The following CTNNA2 variants were observed in gnomAD, a reference collection of about 807,000 sequenced individuals.
CTNNA2 encodes the protein catenin alpha-2.
Under a neutral mutation model 101.0 loss-of-function variants are expected in CTNNA2, and 42 were observed. The observed-to-expected ratio is 0.42, with a 90% CI of 0.32 to 0.54. CTNNA2 has a LOEUF of 0.54. CTNNA2 is among the 20% of genes least tolerant of loss of function. The pLI is 0.14. For missense variants in CTNNA2, 871 were observed against 1,223.1 expected (o/e 0.71, Z 4.29); for synonymous variants, 450 against 456.4 (o/e 0.99, Z 0.18).
intron 9 of CTNNA2, among the ~76,000 whole-genome samples, chr2:80,483,192 C>A (rs1416451129): frequency 1.3e-5 from 2 of 152,010 alleles, no homozygotes; most frequent in Non-Finnish European, 2.9e-5. Flanking sequence ...TTCCTACAGC[C>A]ATCCTAAAAT....
chr2:80,532,073 G>C (rs1328800102), intron 9 of CTNNA2, among the ~76,000 whole-genome samples: 1 of 152,124 alleles, frequency 6.6e-6, no homozygotes, highest in Non-Finnish European at 1.5e-5. Context: ...GAAACAGGTG[G>C]TCAGAGGAAG....
At chr2:79,801,992 C>CA (rs57124311) in intron 3 of CTNNA2, among the ~76,000 whole-genome samples, 9,067 of 63,378 alleles carry the variant, frequency 0.14, 522 homozygotes, top group Non-Finnish European at 0.17. Context: ...AACTCTGTCT[C>CA]AAAAAAAAAA....
chr2:79,466,828 A>G (rs1464760069), intron 4 of CTNNA2, among the ~76,000 whole-genome samples: 1 of 152,248 alleles, frequency 6.6e-6, no homozygotes. Flanking sequence ...TGACTATTAG[A>G]AGGAAAACTA....
intron 3 of CTNNA2, among the ~76,000 whole-genome samples, chr2:79,853,060 G>C (rs1467618340): frequency 6.6e-6 from 1 of 151,926 alleles, no homozygotes; most frequent in African/African-American, 2.4e-5. Context: ...TAGAGACACA[G>C]TTTCACCATG....
chr2:80,327,934 T>C (rs1044761283), intron 7 of CTNNA2, among the ~76,000 whole-genome samples: 9 of 151,846 alleles, frequency 5.9e-5, no homozygotes, highest in Admixed American at 4.6e-4. Context: ...TATGTATAAA[T>C]GTTTTTTTAT....
intron 7 of CTNNA2, among the ~76,000 whole-genome samples, chr2:79,982,201 T>A (rs1162402717): frequency 5.5e-5 from 1 of 18,314 alleles, no homozygotes; most frequent in South Asian, 1.3e-3. Flanking sequence ...ACTATATATA[T>A]ATATATATAT....
At chr2:79,747,060 C>T (rs1431805158) in intron 3 of CTNNA2, among the ~76,000 whole-genome samples, 1 of 152,188 alleles carries the variant, frequency 6.6e-6, no homozygotes, top group Non-Finnish European at 1.5e-5. Context: ...ACCCTCCTTC[C>T]ACACTAACAA....
intron 3 of CTNNA2, among the ~76,000 whole-genome samples, chr2:79,779,318 G>C (rs537155070): frequency 6.6e-6 from 1 of 152,128 alleles, no homozygotes; most frequent in Non-Finnish European, 1.5e-5. Context: ...TTTTGCAAGG[G>C]CTCATCCCCC....
At chr2:80,235,375 G>C (rs1240953591) in intron 7 of CTNNA2, among the ~76,000 whole-genome samples, 1 of 152,192 alleles carries the variant, frequency 6.6e-6, no homozygotes. Flanking sequence ...TATTCGGGCT[G>C]TTTCTGCTCT....
Position 79,585,826 on chromosome 2 carries a change from C to T in CTNNA2, c.-5-65726C>T, listed in dbSNP as rs76275990. 2.0e-4 allele frequency among the ~76,000 whole-genome samples: 30 copies of T among 151,974 alleles called. No homozygotes were observed. In the East Asian group the frequency reaches 5.3e-3, roughly 27 times the overall value. On this transcript the variant is annotated intron_variant, in intron 1 of 18. Transcript: ENST00000402739. ...AGGTCCCTTCAGTATCCATTTGCTG[C>T]CCGCTTTCCAAGAGTGCTAGCTCAT...
intron 2 of CTNNA2, among the ~76,000 whole-genome samples, chr2:79,304,358 C>A (rs1297931909): frequency 6.6e-6 from 1 of 152,152 alleles, no homozygotes; most frequent in Non-Finnish European, 1.5e-5. Flanking sequence ...GTATCCATCC[C>A]AGAACAGTAT....
intron 2 of CTNNA2, among the ~76,000 whole-genome samples, chr2:79,288,605 T>TTC (rs1172034792): frequency 1.3e-5 from 2 of 152,256 alleles, no homozygotes; most frequent in East Asian, 3.9e-4. Flanking sequence ...TCTCTCTTCT[T>TTC]TCTCTCTCTC....
At chr2:80,558,039 G>A (rs1252071428) in intron 12 of CTNNA2, among the ~76,000 whole-genome samples, 1 of 152,114 alleles carries the variant, frequency 6.6e-6, no homozygotes, top group Admixed American at 6.6e-5. Context: ...TACGGTAGAT[G>A]AGCAGGACAT....
intron 7 of CTNNA2, among the ~76,000 whole-genome samples, chr2:80,297,272 AAC>A (rs1411462795): frequency 6.6e-6 from 1 of 152,142 alleles, no homozygotes; most frequent in Admixed American, 6.5e-5. Context: ...GGAATAAAGA[AAC>A]AGTGTGTAGT....
chr2:79,898,184 T>G (rs1574260841), intron 6 of CTNNA2, among the ~76,000 whole-genome samples: 2 of 151,960 alleles, frequency 1.3e-5, no homozygotes, highest in African/African-American at 2.4e-5. Context: ...CCCAGGCTGG[T>G]GTGCAGTGGT....
intron 1 of CTNNA2, among the ~76,000 whole-genome samples, chr2:79,521,111 T>G (rs1277281163): frequency 5.2e-3 from 2 of 388 alleles, no homozygotes; most frequent in Non-Finnish European, 0.021. Context: ...GCTGCTGATA[T>G]ATATATATAT....
intron 2 of CTNNA2, among the ~76,000 whole-genome samples, chr2:79,289,744 C>A (rs2104373008): frequency 6.6e-6 from 1 of 152,090 alleles, no homozygotes; most frequent in East Asian, 1.9e-4. Context: ...GACTCCATCT[C>A]AAAAAAAGAA....
rs914616502 is a variant in CTNNA2 at position 79,208,868 on chromosome 2, T to C, written c.-406+10792T>C. On this transcript the variant is annotated intron_variant, in intron 2 of 21. Transcript: ENST00000466387. ...TCAGGAATGAATAACTTTATATTAC[T>C]CTTGTTTCCTTCTTTGACAGAGACT... 2.0e-5 allele frequency among the ~76,000 whole-genome samples: 3 copies of C among 152,230 alleles called. No homozygotes were observed. In the East Asian group the frequency reaches 5.8e-4, roughly 29 times the overall value.
At chr2:79,627,933 GC>G (rs1679426722) in intron 1 of CTNNA2, among the ~76,000 whole-genome samples, 1 of 152,066 alleles carries the variant, frequency 6.6e-6, no homozygotes, top group Admixed American at 6.5e-5. Context: ...TTGACACTGT[GC>G]CAGCTCATAA....
Sources: allele counts gnomAD v4.1 joint callset (sites outside exome capture counted in the v4.1 genomes callset), GRCh38; gene constraint gnomAD v4.1.1; transcripts MANE v1.5; gene names NCBI Gene and HGNC (gene_info 2026-07-23, HGNC 2026-07-21).